Variants in PCDH9 observed in about 807,000 individuals in gnomAD.
PCDH9 encodes the protein protocadherin-9.
PCDH9 carries 24 observed loss-of-function variants against 70.6 expected under a neutral mutation model. The observed-to-expected ratio is 0.34, with a 90% CI of 0.25 to 0.48. The LOEUF (loss-of-function observed/expected upper bound fraction) is 0.48, where lower values mean the gene tolerates loss of function less well. PCDH9 is among the 20% of genes least tolerant of loss of function. The pLI, the probability that PCDH9 is intolerant of heterozygous loss-of-function variation, is 0.99. For synonymous variants in PCDH9, 562 were observed against 558.5 expected, an observed-to-expected ratio of 1.01 and a Z score of -0.09; for missense variants, 1,281 against 1,503.6, an observed-to-expected ratio of 0.85 and a Z score of 2.45.
intron 4 of PCDH9, among the ~76,000 whole-genome samples, chr13:66,564,314 G>A (rs1316549175): frequency 2.6e-5 from 4 of 151,254 alleles, no homozygotes; most frequent in African/African-American, 7.3e-5. Context: ...ACAGGTGCAC[G>A]CCACTATGCA....
chr13:67,180,583 C>T (rs750544786), intron 2 of PCDH9, among the ~76,000 whole-genome samples: 9 of 152,194 alleles, frequency 5.9e-5, no homozygotes, highest in East Asian at 5.8e-4. Context: ...TGCTTTTGAC[C>T]TGTAAGACTC....
At position 66,309,899 on chromosome 13, in the gene PCDH9, C is replaced by T. The variant is rs113540255; in HGVS notation, c.3341-4871G>A. The stretch of plus-strand genomic sequence containing the variant: ...TAAATTTTATAATATACTATTTGTG[C>T]TACATCATAAAATATATGTGTAGAA... On this transcript the variant is annotated intron_variant, in intron 4 of 4. Coordinates refer to ENST00000377865, the MANE Select transcript of PCDH9 (RefSeq NM_203487.3). Among the ~76,000 whole-genome samples the T allele has an allele frequency of 8.6e-5, 13 of 151,708 alleles. 1 individual carries two copies. The highest frequency in any genetic ancestry group is 2.7e-4 in the African/African-American group (11 of 41,468).
rs142947228 is a variant in PCDH9, at chr13:67,092,776, C to T, written c.3036+132629G>A. On this transcript the variant is annotated intron_variant, in intron 2 of 4. Coordinates refer to ENST00000377865, the MANE Select transcript of PCDH9 (RefSeq NM_203487.3). ...AGGAACCAGAGATTTTACTTTCCAA[C>T]TCTAATGTTGAGTTTTATAACATCG... 6.4e-4 allele frequency among the ~76,000 whole-genome samples: 98 copies of T among 152,236 alleles called. 1 individual carries two copies. In the East Asian group the frequency reaches 0.013, roughly 20 times the overall value.
chr13:66,397,442 A>G (rs984359915), intron 4 of PCDH9, among the ~76,000 whole-genome samples: 3 of 132,672 alleles, frequency 2.3e-5, no homozygotes, highest in South Asian at 2.6e-4. Context: ...GTATACATAT[A>G]TGTGTGTGTG....
intron 3 of PCDH9, among the ~76,000 whole-genome samples, chr13:66,826,816 G>T (rs1473200879): frequency 1.3e-5 from 2 of 152,094 alleles, no homozygotes; most frequent in African/African-American, 4.8e-5. Context: ...ATTCTGGACA[G>T]AAAAAACAAC....
chr13:66,927,206 TA>T (rs1431757752), intron 2 of PCDH9, among the ~76,000 whole-genome samples: 2 of 151,962 alleles, frequency 1.3e-5, no homozygotes, highest in African/African-American at 2.4e-5. Flanking sequence ...ACCGGTGGCT[TA>T]AAAAACAAAT....
intron 4 of PCDH9, among the ~76,000 whole-genome samples, chr13:66,471,993 T>C (rs940490333): frequency 6.6e-6 from 1 of 151,692 alleles, no homozygotes; most frequent in Non-Finnish European, 1.5e-5. Context: ...GGCGGATCGC[T>C]TAAGGTCAGG....
At chr13:66,515,865 T>C (rs73193118) in intron 4 of PCDH9, among the ~76,000 whole-genome samples, 6,546 of 152,128 alleles carry the variant, frequency 0.043, 187 homozygotes, top group Non-Finnish European at 0.074. Context: ...ATTTTAAGTA[T>C]GTGAGCTACA....
intron 2 of PCDH9, among the ~76,000 whole-genome samples, chr13:66,934,016 A>G (rs1221280138): frequency 6.6e-6 from 1 of 152,108 alleles, no homozygotes; most frequent in Non-Finnish European, 1.5e-5. Flanking sequence ...CAATGTCGGC[A>G]TTTATATAAA....
chr13:67,140,187 T>C (rs1454451088), intron 2 of PCDH9, among the ~76,000 whole-genome samples: 1 of 152,106 alleles, frequency 6.6e-6, no homozygotes, highest in Non-Finnish European at 1.5e-5. Flanking sequence ...TAAATGTACC[T>C]CCTGGGGTCC....
intron 4 of PCDH9, among the ~76,000 whole-genome samples, chr13:66,415,840 T>C (rs1957450753): frequency 6.6e-6 from 1 of 152,132 alleles, no homozygotes; most frequent in African/African-American, 2.4e-5. Flanking sequence ...GGCATAAATA[T>C]GATTGTTATA....
At chr13:67,198,193 T>G (rs965132074) in intron 2 of PCDH9, among the ~76,000 whole-genome samples, 1 of 151,806 alleles carries the variant, frequency 6.6e-6, no homozygotes, top group African/African-American at 2.4e-5. Flanking sequence ...TACTTTGTTC[T>G]ATCTTGCAAA....
At chr13:67,028,559 T>A (rs1034174992) in intron 2 of PCDH9, among the ~76,000 whole-genome samples, 7 of 148,286 alleles carry the variant, frequency 4.7e-5, no homozygotes, top group Non-Finnish European at 7.5e-5. Context: ...CCTAAAACTT[T>A]AAGTATAATA....
intron 2 of PCDH9, among the ~76,000 whole-genome samples, chr13:67,134,044 C>T (rs533614161): frequency 3.9e-4 from 59 of 152,142 alleles, no homozygotes; most frequent in African/African-American, 1.4e-3. Context: ...TTTTAAAATT[C>T]TGTATATCCA....
intron 2 of PCDH9, among the ~76,000 whole-genome samples, chr13:66,934,331 C>T (rs1163177244): frequency 3.3e-5 from 5 of 151,924 alleles, no homozygotes; most frequent in African/African-American, 1.2e-4. Flanking sequence ...CAGGAGTTCA[C>T]GACCAGTCTG....
intron 2 of PCDH9, among the ~76,000 whole-genome samples, chr13:66,993,052 T>C (rs1054165380): frequency 6.6e-6 from 1 of 152,076 alleles, no homozygotes; most frequent in Admixed American, 6.6e-5. Context: ...AAATGAACTC[T>C]AGAGGGGACA....
chr13:66,891,637 T>C (rs1357552449), intron 3 of PCDH9, among the ~76,000 whole-genome samples: 1 of 152,054 alleles, frequency 6.6e-6, no homozygotes. Context: ...GAAATAATTA[T>C]ACAGCAATAG....
chr13:66,616,996 G>C (rs767589401), intron 4 of PCDH9, among the ~76,000 whole-genome samples: 70 of 152,260 alleles, frequency 4.6e-4, no homozygotes, highest in Admixed American at 1.8e-3. Context: ...CACAGCACAG[G>C]TGAATGTGGC....
intron 4 of PCDH9, among the ~76,000 whole-genome samples, chr13:66,530,444 T>C (rs899782446): frequency 1.3e-5 from 2 of 152,064 alleles, no homozygotes; most frequent in Non-Finnish European, 2.9e-5. Context: ...TACCTTTATT[T>C]TGAGATTCTT....
Sources: allele counts gnomAD v4.1 joint callset (sites outside exome capture counted in the v4.1 genomes callset), GRCh38; gene constraint gnomAD v4.1.1; transcripts MANE v1.5; gene names NCBI Gene and HGNC (gene_info 2026-07-23, HGNC 2026-07-21).